ASMT: variants seen among roughly 807,000 people sequenced by gnomAD.
The protein encoded by ASMT is acetylserotonin O-methyltransferase.
A neutral mutation model predicts 41.3 loss-of-function variants in ASMT; 53 were observed. The observed-to-expected ratio is 1.28, with a 90% CI of 1.03 to 1.61. ASMT has a LOEUF of 1.61. Ranked by LOEUF, ASMT falls within the 40% of genes most tolerant of loss-of-function variation. The pLI, the probability that ASMT is intolerant of heterozygous loss-of-function variation, is 0.00. For missense variants in ASMT, 531 were observed against 441.3 expected (o/e 1.20, Z -1.82); for synonymous variants, 231 against 184.8 (o/e 1.25, Z -2.03).
chrX:1,619,580 A>ATAATAG (rs1463887189), intron 1 of ASMT, among the ~76,000 whole-genome samples: 3 of 145,810 alleles, frequency 2.1e-5, no homozygotes, highest in African/African-American at 7.6e-5. Flanking sequence ...AATAATAATA[A>ATAATAG]TAATAATAAA....
chrX:1,616,740 G>A lies in ASMT; in HGVS notation c.69+1472G>A, dbSNP rs1395134115. ...TTTTTTCTTTTTGAGACAGAGTCTC[G>A]CTCTGTCGCCCAGGCTGGAGTGCAA... On this transcript the variant is annotated intron_variant, in intron 1 of 8. Coordinates refer to ENST00000381241, the MANE Select transcript of ASMT (RefSeq NM_001171038.2). 2.9e-4 allele frequency among the ~76,000 whole-genome samples: 44 copies of A among 150,464 alleles called. 1 individual carries two copies. Among genetic ancestry groups the A allele is most frequent in the East Asian group, 1.2e-3 (6 of 5,114 alleles).
intron 1 of ASMT, among the ~76,000 whole-genome samples, chrX:1,619,515 T>A (rs113253291): frequency 1.2e-4 from 18 of 147,156 alleles, no homozygotes; most frequent in African/African-American, 4.5e-4. Context: ...GCAACAAACC[T>A]GCACGTTCTG....
rs1483280669 is a variant in ASMT at position 1,630,375 on chromosome X, G to A, written c.562+436G>A. Among the ~76,000 whole-genome samples, 56 of 139,796 alleles carry A rather than the reference G, an allele frequency of 4.0e-4. 1 individual carries two copies. The highest frequency in any genetic ancestry group is 1.5e-3 in the African/African-American group (55 of 37,024). The allele number at this position is 139,796 out of a possible 152,430, so 91.7% of individuals were successfully genotyped here. A position where few individuals can be genotyped will look rare whatever the true frequency, so the allele number is the denominator to read the frequency against. ...GGCTGGAGTGCAGTGGCACGATCTCGGCTCACCGCAACCTCCGCCTCCTGG... is the reference window on the plus strand; with the variant it reads ...GGCTGGAGTGCAGTGGCACGATCTCAGCTCACCGCAACCTCCGCCTCCTGG... On this transcript the variant is annotated intron_variant, in intron 5 of 8. Coordinates refer to ENST00000381241, the MANE Select transcript of ASMT (RefSeq NM_001171038.2).
At chrX:1,627,961 C>G (rs1934619394) in intron 4 of ASMT, 190 bp downstream of exon 4, 1 of 656,654 alleles carries the variant, frequency 1.5e-6, no homozygotes, top group Admixed American at 2.7e-5. Flanking sequence ...TGATCAAATT[C>G]CTGAGGAGGT....
chrX:1,641,408 T>C lies in ASMT; in HGVS notation c.911-1395T>C, dbSNP rs1339210061. On this transcript the variant is annotated intron_variant, in intron 8 of 8. Transcript: ENST00000381241. ...GTCCTGTGAGGTCCACCTATCCTGA[T>C]GGTCCATGAGGATGTGGACACAGCC... Among the ~76,000 whole-genome samples, 54 of 146,580 alleles carry C rather than the reference T, an allele frequency of 3.7e-4. 5 individuals are homozygous for C. The highest frequency in any genetic ancestry group is 1.5e-4 in the Non-Finnish European group (10 of 66,284).
In ASMT at chrX:1,619,369, T is replaced by G. The variant is rs186815331; in HGVS notation, c.70-3770T>G. On this transcript the variant is annotated intron_variant, in intron 1 of 8. Transcript: ENST00000381241. ...AGATCACGCCACTGCACTCCAGCCTTGGGGGCAGAGCGGGACCCTGTCTCA... is the reference window on the plus strand; with the variant it reads ...AGATCACGCCACTGCACTCCAGCCTGGGGGGCAGAGCGGGACCCTGTCTCA... 7.8e-3 allele frequency among the ~76,000 whole-genome samples: 1,062 copies of G among 135,672 alleles called. 23 individuals are homozygous for G. The highest frequency in any genetic ancestry group is 0.069 in the East Asian group (323 of 4,706). 89.0% of individuals were successfully genotyped at this position (135,672 alleles called of 152,430 possible).
intron 4 of ASMT, among the ~76,000 whole-genome samples, chrX:1,629,438 C>CTA (rs1436352515): frequency 6.6e-6 from 1 of 152,210 alleles, no homozygotes; most frequent in African/African-American, 2.4e-5. Flanking sequence ...TGCCTTTTCT[C>CTA]TAGCCTCTTC....
chrX:1,627,633 C>CGAAATGAAATGAAATGAAATGAAAT (rs542448808), intron 3 of ASMT, 70 bp from the exon 4 acceptor site: 6 of 1,199,432 alleles, frequency 5.0e-6, no homozygotes, highest in Non-Finnish European at 7.5e-6. Context: ...CGAAATGAAA[C>CGAAATGAAATGAAATGAAATGAAAT]GAAATGAAAT....
At chrX:1,636,939 GCTCTCC>G (rs1372696577) in intron 8 of ASMT, among the ~76,000 whole-genome samples, 9,872 of 100,556 alleles carry the variant, frequency 0.098, 1,398 homozygotes, top group East Asian at 0.41. Flanking sequence ...CAGTGTCCCA[GCTCTCC>G]TGTGAGGTCC....
intron 3 of ASMT, 179 bp downstream of exon 3, chrX:1,624,577 G>A (rs1163425417): frequency 2.2e-6 from 2 of 900,944 alleles, no homozygotes; most frequent in Non-Finnish European, 2.6e-6. Flanking sequence ...CCAGGCAGAT[G>A]CTGGGAGGTG....
At chrX:1,642,519 G>A (rs1337661875) in intron 8 of ASMT, among the ~76,000 whole-genome samples, 17 of 146,846 alleles carry the variant, frequency 1.2e-4, no homozygotes, top group Admixed American at 1.0e-3. Flanking sequence ...GTGTGTGTGT[G>A]ATGGGGACGG....
At chrX:1,625,571 A>AGGGAGGG (rs1934507670) in intron 3 of ASMT, among the ~76,000 whole-genome samples, 1 of 144,210 alleles carries the variant, frequency 6.9e-6, no homozygotes, top group East Asian at 2.1e-4. Context: ...GGAGGGAGGG[A>AGGGAGGG]AAGAAGGGAA....
intron 1 of ASMT, among the ~76,000 whole-genome samples, chrX:1,621,363 G>T (rs1379076207): frequency 1.3e-5 from 2 of 151,896 alleles, no homozygotes; most frequent in African/African-American, 2.4e-5. Flanking sequence ...TGTTGCCCAG[G>T]CTGGAGTGCA....
At chrX:1,631,718 C>T (rs1934783795) in intron 5 of ASMT, among the ~76,000 whole-genome samples, 1 of 151,530 alleles carries the variant, frequency 6.6e-6, no homozygotes, top group African/African-American at 2.4e-5. Context: ...AGTTCGAGAT[C>T]AGCCTGGTCA....
In ASMT at chrX:1,627,702, G is replaced by C; in HGVS notation, c.375-1G>C. On this transcript the variant is annotated splice_acceptor_variant, in intron 3 of 8. Transcript: ENST00000381241. LOFTEE classifies it high-confidence loss of function. ...AATCAGCCTTCTCTCTCTTTTCTTA[G>C]AGAAGGAAGGAACCAGTACCTGGAG... 6.2e-7 allele frequency: 1 copy of C among 1,613,324 alleles called. No individual in the cohort carries two copies. Among genetic ancestry groups the C allele is most frequent in the Non-Finnish European group, 8.5e-7 (1 of 1,179,330 alleles).
intron 6 of ASMT, 124 bp from the exon 7 acceptor site, chrX:1,633,026 A>G (rs1934835767): frequency 2.7e-6 from 3 of 1,091,332 alleles, no homozygotes; most frequent in African/African-American, 1.5e-5. Context: ...GAAAAAAAAG[A>G]CCAGACATGG....
Position 1,629,831 on chromosome X carries a change from G to T in ASMT, c.454G>T (p.Glu152Ter). The change falls in exon 5 of 9, where the codon GAG becomes TAG. Residue 152 changes from glutamate (E) to a stop codon, truncating the protein, a stop_gained. Coordinates refer to ENST00000381241, the MANE Select transcript of ASMT (RefSeq NM_001171038.2). LOFTEE classifies it high-confidence loss of function. ...GGTTTTGCATGCCAGGTCCGAGGGC[G>T]AGCGGCTACAGTTCATGCAAGCTCT... The part of the protein sequence containing the change: ...LFTAIYRSEG[E>*]RLQFMQALQE... 1 of 1,613,890 alleles carries T rather than the reference G, an allele frequency of 6.2e-7. No homozygotes were observed. Among genetic ancestry groups the T allele is most frequent in the Non-Finnish European group, 8.5e-7 (1 of 1,179,854 alleles).
intron 4 of ASMT, 31 bp downstream of exon 4, chrX:1,627,802 C>T: frequency 6.3e-7 from 1 of 1,596,358 alleles, no homozygotes; most frequent in Non-Finnish European, 8.6e-7. Flanking sequence ...ACCAACAACT[C>T]AGATAAGATT....
chrX:1,621,796 A>C (rs1934346115), intron 1 of ASMT, among the ~76,000 whole-genome samples: 1 of 147,578 alleles, frequency 6.8e-6, no homozygotes, highest in African/African-American at 2.5e-5. Context: ...CCCGGGTGCA[A>C]GTGATTCTCC....
Sources: allele counts gnomAD v4.1 joint callset (sites outside exome capture counted in the v4.1 genomes callset), GRCh38; gene constraint gnomAD v4.1.1; transcripts MANE v1.5; gene names NCBI Gene and HGNC (gene_info 2026-07-23, HGNC 2026-07-21).